PPARGC1A: variants seen among roughly 807,000 people sequenced by gnomAD.
PPARGC1A encodes the protein peroxisome proliferator-activated receptor gamma coactivator 1-alpha.
In PPARGC1A, 25 loss-of-function variants were observed where a neutral mutation model predicts 88.7. The ratio of observed to expected loss-of-function variants is 0.28; its 90% CI spans 0.21 to 0.39. The LOEUF is 0.39. Among genes scored for constraint, PPARGC1A ranks in the 10% least tolerant of loss-of-function variants. The probability of loss-of-function intolerance (pLI) is 1.00; values close to 1 mark genes in which losing one functional copy is unlikely to be tolerated. For missense variants in PPARGC1A, 880 were observed against 968.7 expected (o/e 0.91, Z 1.22); for synonymous variants, 363 against 355.6 (o/e 1.02, Z -0.24).
chr4:24,370,245 A>G, the PPARGC1A span, among the ~76,000 whole-genome samples: 1 of 152,224 alleles, frequency 6.6e-6, no homozygotes, highest in African/African-American at 2.4e-5. Flanking sequence ...AGGTTAAAAA[A>G]AAGTGAAATA....
At chr4:24,453,902 G>T in the PPARGC1A span, among the ~76,000 whole-genome samples, 1,021 of 151,968 alleles carry the variant, frequency 6.7e-3, 13 homozygotes, top group Non-Finnish European at 9.1e-3. Flanking sequence ...AAAAGGTAGT[G>T]TCTATTTCTC....
chr4:23,907,319 C>T (rs13108408), upstream of PPARGC1A, among the ~76,000 whole-genome samples: 25,126 of 152,158 alleles, frequency 0.17, 2,457 homozygotes, highest in East Asian at 0.36. Flanking sequence ...TGATGTCTGA[C>T]GCAAAGGTAG....
At chr4:24,410,596 T>C in the PPARGC1A span, among the ~76,000 whole-genome samples, 1 of 152,192 alleles carries the variant, frequency 6.6e-6, no homozygotes, top group Non-Finnish European at 1.5e-5. Flanking sequence ...CCAAAGGAGA[T>C]TAACATTTGA....
chr4:24,416,237 G>A, the PPARGC1A span, among the ~76,000 whole-genome samples: 1 of 152,098 alleles, frequency 6.6e-6, no homozygotes, highest in South Asian at 2.1e-4. Context: ...AGGGTAGATG[G>A]GACTAAGAAG....
the PPARGC1A span, among the ~76,000 whole-genome samples, chr4:24,147,630 T>C: frequency 1.3e-5 from 2 of 152,166 alleles, no homozygotes; most frequent in East Asian, 1.9e-4. Flanking sequence ...AATGGCCAAT[T>C]AGCTCAAATT....
intron 2 of PPARGC1A, among the ~76,000 whole-genome samples, chr4:23,835,853 A>G (rs1725920621): frequency 6.6e-6 from 1 of 152,176 alleles, no homozygotes; most frequent in African/African-American, 2.4e-5. Context: ...TTCAACAATC[A>G]AACACCCCGG....
At chr4:24,284,145 A>G in the PPARGC1A span, among the ~76,000 whole-genome samples, 3 of 151,632 alleles carry the variant, frequency 2.0e-5, no homozygotes, top group African/African-American at 7.3e-5. Context: ...AAAAAAAAAA[A>G]AAAATTAGCT....
chr4:24,368,173 A>G, the PPARGC1A span, among the ~76,000 whole-genome samples: 1 of 152,214 alleles, frequency 6.6e-6, no homozygotes, highest in East Asian at 1.9e-4. Context: ...GTCTTAACCA[A>G]CTGGGTCAAA....
At chr4:24,134,480 G>C in the PPARGC1A span, among the ~76,000 whole-genome samples, 1 of 152,186 alleles carries the variant, frequency 6.6e-6, no homozygotes, top group East Asian at 1.9e-4. Context: ...TTGCGTGTTC[G>C]CAATGCCATT....
the PPARGC1A span, among the ~76,000 whole-genome samples, chr4:23,928,148 G>C: frequency 6.6e-6 from 1 of 152,160 alleles, no homozygotes; most frequent in Non-Finnish European, 1.5e-5. Context: ...AAAGTGTCTG[G>C]ACTATTTTCA....
At chr4:24,209,285 C>T in the PPARGC1A span, among the ~76,000 whole-genome samples, 3 of 152,148 alleles carry the variant, frequency 2.0e-5, no homozygotes, top group Non-Finnish European at 4.4e-5. Flanking sequence ...ACAGGTGCTG[C>T]CTGATGACTT....
chr4:24,160,530 C>G, the PPARGC1A span, among the ~76,000 whole-genome samples: 1 of 152,158 alleles, frequency 6.6e-6, no homozygotes, highest in Non-Finnish European at 1.5e-5. Context: ...GCATGCCTGG[C>G]TCTTCATCAT....
the PPARGC1A span, among the ~76,000 whole-genome samples, chr4:23,948,980 T>C: frequency 6.6e-6 from 1 of 152,280 alleles, no homozygotes; most frequent in Admixed American, 6.5e-5. Flanking sequence ...TAACTGGATG[T>C]AGACTTAGAA....
the PPARGC1A span, among the ~76,000 whole-genome samples, chr4:24,438,482 G>C: frequency 6.6e-6 from 1 of 152,112 alleles, no homozygotes; most frequent in Non-Finnish European, 1.5e-5. Flanking sequence ...TGGCAATAAA[G>C]TTTATTCCCA....
At chr4:23,897,347 CA>C (rs1718715929) in intron 1 of PPARGC1A, among the ~76,000 whole-genome samples, 1 of 152,076 alleles carries the variant, frequency 6.6e-6, no homozygotes. Context: ...TGATTCAGCC[CA>C]AAATGAAAGG....
At chr4:24,008,403 G>T in the PPARGC1A span, among the ~76,000 whole-genome samples, 1 of 152,118 alleles carries the variant, frequency 6.6e-6, no homozygotes, top group African/African-American at 2.4e-5. Context: ...CACTGGTTGG[G>T]ATATATCTAT....
At chr4:23,964,021 G>A in the PPARGC1A span, among the ~76,000 whole-genome samples, 2 of 152,148 alleles carry the variant, frequency 1.3e-5, no homozygotes, top group East Asian at 3.9e-4. Flanking sequence ...TTTTGGCTAA[G>A]GGAAAACCTT....
At chr4:24,340,166 T>C in the PPARGC1A span, among the ~76,000 whole-genome samples, 1 of 152,252 alleles carries the variant, frequency 6.6e-6, no homozygotes, top group African/African-American at 2.4e-5. Flanking sequence ...AATGTAGTCA[T>C]GAATAGCCTT....
At chr4:24,202,728 C>T in the PPARGC1A span, among the ~76,000 whole-genome samples, 2 of 152,148 alleles carry the variant, frequency 1.3e-5, no homozygotes, top group African/African-American at 4.8e-5. Flanking sequence ...TCTGCCAGGC[C>T]CCTCCAAGCA....
Sources: gnomAD v4.1 joint callset for allele counts (sites outside exome capture counted in the v4.1 genomes callset) on GRCh38, gnomAD v4.1.1 for gene constraint, MANE v1.5 for transcripts, NCBI Gene and HGNC (gene_info 2026-07-23, HGNC 2026-07-21) for gene names.